Variants in EGFLAM observed in about 807,000 individuals in gnomAD.
EGFLAM encodes pikachurin.
In EGFLAM, 79 loss-of-function variants were observed where a neutral mutation model predicts 113.1. The ratio of observed to expected loss-of-function variants is 0.70; its 90% confidence interval spans 0.58 to 0.84. EGFLAM has a LOEUF of 0.84. Among genes scored for constraint, EGFLAM ranks in the 40% least tolerant of loss-of-function variants. The probability of loss-of-function intolerance (pLI) is 0.00; values close to 1 mark genes in which losing one functional copy is unlikely to be tolerated. For missense variants in EGFLAM, 1,265 were observed against 1,291.6 expected (o/e 0.98, Z 0.32); for synonymous variants, 504 against 487.6 (o/e 1.03, Z -0.44).
intron 1 of EGFLAM, 79 bp downstream of exon 1, chr5:38,258,930 GC>G: frequency 7.0e-7 from 1 of 1,437,628 alleles, no homozygotes; most frequent in Non-Finnish European, 9.4e-7. Flanking sequence ...AGAGCGGGCA[GC>G]GCACCGCCTC....
chr5:38,390,996 CA>C (rs1346469506), intron 6 of EGFLAM, among the ~76,000 whole-genome samples: 1 of 152,088 alleles, frequency 6.6e-6, no homozygotes, highest in African/African-American at 2.4e-5. Context: ...TGTTTTAATT[CA>C]ATGTAATTAA....
Position 38,338,735 on chromosome 5 carries a change from A to C in EGFLAM, c.245A>C (p.Gln82Pro). 1 of 1,614,246 alleles carries C rather than the reference A, an allele frequency of 6.2e-7. No homozygotes were observed. ...GAGGTTGGCGCAGATAAATCCCTGC[A>C]GGAGCAGTTGCACAGCGTGCCTCTC... The part of the protein sequence containing the change: ...YSEVGADKSL[Q>P]EQLHSVPLSR... The change falls in exon 3 of 22, where the codon CAG (glutamine) becomes CCG (proline). Residue 82 changes from glutamine (Q) to proline (P), a missense_variant. Coordinates refer to ENST00000322350, the MANE Select transcript of EGFLAM (RefSeq NM_152403.4).
intron 17 of EGFLAM, among the ~76,000 whole-genome samples, chr5:38,442,918 G>A (rs1426041487): frequency 2.6e-5 from 4 of 152,210 alleles, no homozygotes; most frequent in Admixed American, 2.0e-4. Context: ...CAAACCCTAG[G>A]ACAACCAAAC....
At chr5:38,447,528 G>A (rs1742753256) in intron 17 of EGFLAM, among the ~76,000 whole-genome samples, 1 of 152,120 alleles carries the variant, frequency 6.6e-6, no homozygotes, top group South Asian at 2.1e-4. Flanking sequence ...GGCCGAGGCG[G>A]GTGGATCACC....
chr5:38,371,273 T>G (rs1004758402), intron 6 of EGFLAM, among the ~76,000 whole-genome samples: 60 of 152,320 alleles, frequency 3.9e-4, no homozygotes, highest in African/African-American at 1.4e-3. Context: ...AATACATTCC[T>G]CCGGTAGAGC....
chr5:38,427,472 C>A, intron 14 of EGFLAM: 1 of 641,074 alleles, frequency 1.6e-6, no homozygotes, highest in Non-Finnish European at 2.5e-6. Flanking sequence ...CAAATAACTA[C>A]CCAACAGGTA....
intron 6 of EGFLAM, among the ~76,000 whole-genome samples, chr5:38,389,201 T>C (rs1740749622): frequency 6.6e-6 from 1 of 152,182 alleles, no homozygotes; most frequent in Non-Finnish European, 1.5e-5. Context: ...AGGAAAACCC[T>C]TAGAAAATTA....
chr5:38,277,963 C>T (rs1333968306), intron 1 of EGFLAM, among the ~76,000 whole-genome samples: 1 of 151,974 alleles, frequency 6.6e-6, no homozygotes, highest in Non-Finnish European at 1.5e-5. Context: ...GTCCATAATA[C>T]CCAAAGCAAT....
chr5:38,266,396 T>A (rs953976654), intron 1 of EGFLAM, among the ~76,000 whole-genome samples: 1 of 152,152 alleles, frequency 6.6e-6, no homozygotes, highest in African/African-American at 2.4e-5. Context: ...CCAGGGAAGA[T>A]CCAATACAGT....
In EGFLAM at chr5:38,284,855, G is replaced by A. The variant is rs545694587; in HGVS notation, c.97+26004G>A. Among the ~76,000 whole-genome samples, 44 of 152,196 alleles carry A rather than the reference G, an allele frequency of 2.9e-4. No homozygotes were observed. The South Asian group carries it at 4.8e-3, about 17-fold the overall frequency. On this transcript the variant is annotated intron_variant, in intron 1 of 21. Coordinates refer to ENST00000322350, the MANE Select transcript of EGFLAM (RefSeq NM_152403.4). ...CATCACCAAATAAACTCTCCATTTT[G>A]ATGTAGATAATAGGCAATAATAACT...
intron 5 of EGFLAM, among the ~76,000 whole-genome samples, chr5:38,356,282 T>C (rs1417337041): frequency 6.6e-6 from 1 of 152,254 alleles, no homozygotes; most frequent in Non-Finnish European, 1.5e-5. Context: ...CCAGAATATG[T>C]GACTTCAGTC....
intron 3 of EGFLAM, among the ~76,000 whole-genome samples, chr5:38,340,408 C>T (rs114224757): frequency 4.8e-4 from 73 of 152,280 alleles, no homozygotes; most frequent in Admixed American, 1.2e-3. Flanking sequence ...CCATTATCAA[C>T]ATCTAGGCAT....
rs1477590419 is a variant in EGFLAM at position 38,407,121 on chromosome 5, CA to C, written c.1125del (p.Gly376ValfsTer22). 6.2e-7 allele frequency: 1 copy of C among 1,613,836 alleles called. No homozygotes were observed. On this transcript the variant is annotated frameshift_variant, in exon 8 of 22. Transcript: ENST00000322350. LOFTEE classifies it high-confidence loss of function. ...GCTCGCGATGCCAGTGCACCCTGGG[CA>C]AAGGTGGTGAGAGCTGCTCAGAAGG... ...GGSRCQCTLG[K>X]GGESCSEDIV...
intron 1 of EGFLAM, among the ~76,000 whole-genome samples, chr5:38,310,031 C>T (rs1380731735): frequency 2.0e-5 from 3 of 152,172 alleles, no homozygotes; most frequent in African/African-American, 4.8e-5. Context: ...CAAGGATTGC[C>T]GAGTGTTTGA....
In EGFLAM at chr5:38,417,180, C is replaced by T. The variant is rs533710596; in HGVS notation, c.1495-886C>T. Among the ~76,000 whole-genome samples, 150 of 151,928 alleles carry T rather than the reference C, an allele frequency of 9.9e-4. 1 individual carries two copies. The highest frequency in any genetic ancestry group is 3.5e-3 in the African/African-American group (147 of 41,442). The stretch of plus-strand genomic sequence containing the variant: ...CAGCCTGACCAACGTGGTGAAACCT[C>T]GTTTCTAAAAATACAAAATTAGCTA... On this transcript the variant is annotated intron_variant, in intron 11 of 21. Coordinates refer to ENST00000322350, the MANE Select transcript of EGFLAM (RefSeq NM_152403.4).
intron 1 of EGFLAM, among the ~76,000 whole-genome samples, chr5:38,301,465 G>A (rs1579745544): frequency 1.3e-5 from 2 of 152,248 alleles, no homozygotes; most frequent in African/African-American, 4.8e-5. Flanking sequence ...GAGTTTAAAG[G>A]AAAATGGGAG....
chr5:38,292,427 T>C (rs1490655680), intron 1 of EGFLAM, among the ~76,000 whole-genome samples: 3 of 152,200 alleles, frequency 2.0e-5, no homozygotes, highest in Non-Finnish European at 2.9e-5. Context: ...TTGAAAAAGT[T>C]GGCTGCCCAG....
chr5:38,266,027 G>C (rs1757626590), intron 1 of EGFLAM, among the ~76,000 whole-genome samples: 1 of 152,154 alleles, frequency 6.6e-6, no homozygotes, highest in Non-Finnish European at 1.5e-5. Context: ...TGTTGCTCTG[G>C]GCATCTGTAT....
chr5:38,305,953 C>A (rs1758707512), intron 1 of EGFLAM, among the ~76,000 whole-genome samples: 1 of 152,106 alleles, frequency 6.6e-6, no homozygotes, highest in African/African-American at 2.4e-5. Context: ...ATGGCTGCAT[C>A]AAAGTGGGCT....
Sources: allele counts gnomAD v4.1 joint callset (sites outside exome capture counted in the v4.1 genomes callset), GRCh38; gene constraint gnomAD v4.1.1; transcripts MANE v1.5; gene names NCBI Gene and HGNC (gene_info 2026-07-23, HGNC 2026-07-21).